ALCAM: variants seen among roughly 807,000 people sequenced by gnomAD.
ALCAM encodes the protein CD166 antigen.
A neutral mutation model predicts 70.9 loss-of-function variants in ALCAM; 30 were observed. The observed-to-expected ratio is 0.42, with a 90% confidence interval of 0.32 to 0.57. The LOEUF (loss-of-function observed/expected upper bound fraction) is 0.57, where lower values mean the gene tolerates loss of function less well. Ranked by LOEUF, ALCAM falls within the 20% of genes least tolerant of loss-of-function variation. The pLI, the probability that ALCAM is intolerant of heterozygous loss-of-function variation, is 0.11. For synonymous variants in ALCAM, 249 were observed against 242.5 expected (o/e 1.03, Z -0.25); for missense variants, 591 against 695.1 (o/e 0.85, Z 1.68).
At chr3:105,535,090 C>T (rs1251972928) in intron 6 of ALCAM, among the ~76,000 whole-genome samples, 2 of 152,112 alleles carry the variant, frequency 1.3e-5, no homozygotes, top group Non-Finnish European at 2.9e-5. Flanking sequence ...AATTCCACTA[C>T]ACACTAAGTT....
At chr3:105,487,519 C>A (rs1030406108) in intron 1 of ALCAM, among the ~76,000 whole-genome samples, 3 of 152,040 alleles carry the variant, frequency 2.0e-5, no homozygotes, top group Admixed American at 1.3e-4. Flanking sequence ...ATCAGCTACA[C>A]TGGAGGAATA....
chr3:105,389,378 T>TG (rs1322933592), intron 1 of ALCAM, among the ~76,000 whole-genome samples: 1 of 127,956 alleles, frequency 7.8e-6, no homozygotes, highest in Non-Finnish European at 1.7e-5. Flanking sequence ...ATAGTTTTTT[T>TG]TTTTTTTTTT....
intron 1 of ALCAM, among the ~76,000 whole-genome samples, chr3:105,399,814 A>T (rs751166062): frequency 9.9e-5 from 15 of 152,158 alleles, no homozygotes; most frequent in Non-Finnish European, 1.9e-4. Context: ...TCTGTTTGGA[A>T]AACTTTGGCT....
At chr3:105,557,828 A>G (rs947107018) in intron 14 of ALCAM, among the ~76,000 whole-genome samples, 12 of 152,134 alleles carry the variant, frequency 7.9e-5, no homozygotes, top group African/African-American at 2.9e-4. Flanking sequence ...TTCTTTGTAG[A>G]GTCTTAGAAA....
At chr3:105,372,347 A>G (rs1022554252) in intron 1 of ALCAM, among the ~76,000 whole-genome samples, 2 of 152,068 alleles carry the variant, frequency 1.3e-5, no homozygotes, top group African/African-American at 4.8e-5. Flanking sequence ...TAAATTTTAC[A>G]TTCTCTTTTC....
intron 1 of ALCAM, among the ~76,000 whole-genome samples, chr3:105,452,006 G>T (rs1429407245): frequency 6.6e-6 from 1 of 151,936 alleles, no homozygotes; most frequent in South Asian, 2.1e-4. Flanking sequence ...CTGGTTTGTG[G>T]CTTTACTCAT....
chr3:105,455,364 C>T (rs1302162485), intron 1 of ALCAM, among the ~76,000 whole-genome samples: 1 of 150,742 alleles, frequency 6.6e-6, no homozygotes, highest in Non-Finnish European at 1.5e-5. Context: ...ATGGTGTGAA[C>T]CCGGGAGGCG....
At chr3:105,561,682 G>A (rs534888300) in intron 14 of ALCAM, among the ~76,000 whole-genome samples, 1 of 152,208 alleles carries the variant, frequency 6.6e-6, no homozygotes, top group South Asian at 2.1e-4. Flanking sequence ...AAGTTTTGGT[G>A]TTTCCCAAAA....
chr3:105,573,760 G>A (rs542158866), intron 15 of ALCAM, among the ~76,000 whole-genome samples: 4 of 152,110 alleles, frequency 2.6e-5, no homozygotes, highest in African/African-American at 2.4e-5. Flanking sequence ...AGCCCCAACC[G>A]CCACAGTAAA....
chr3:105,545,195 C>G, intron 8 of ALCAM, 28 bp from the exon 9 acceptor site: 1 of 1,374,856 alleles, frequency 7.3e-7, no homozygotes, highest in South Asian at 1.2e-5. Context: ...TCAGAGTTAG[C>G]ACTTTGAACA....
intron 1 of ALCAM, among the ~76,000 whole-genome samples, chr3:105,506,173 A>C (rs1449519247): frequency 3.3e-5 from 5 of 152,224 alleles, no homozygotes; most frequent in African/African-American, 1.2e-4. Flanking sequence ...CTGTTAATTA[A>C]ACATGTACTA....
chr3:105,386,660 A>G (rs1183735302), intron 1 of ALCAM, among the ~76,000 whole-genome samples: 7 of 146,038 alleles, frequency 4.8e-5, no homozygotes, highest in Admixed American at 4.8e-4. Context: ...ATACCACCAT[A>G]AATATATATA....
intron 1 of ALCAM, among the ~76,000 whole-genome samples, chr3:105,386,283 A>G (rs1175277441): frequency 6.6e-6 from 1 of 151,636 alleles, no homozygotes; most frequent in African/African-American, 2.4e-5. Context: ...TGAATCAGTA[A>G]AATGTCTTTT....
chr3:105,384,657 A>G (rs1576124329), intron 1 of ALCAM, among the ~76,000 whole-genome samples: 1 of 151,614 alleles, frequency 6.6e-6, no homozygotes, highest in African/African-American at 2.4e-5. Context: ...CAATATAAAT[A>G]CAACACATTA....
intron 1 of ALCAM, among the ~76,000 whole-genome samples, chr3:105,512,761 T>C (rs1448945225): frequency 6.6e-6 from 1 of 151,862 alleles, no homozygotes; most frequent in Non-Finnish European, 1.5e-5. Flanking sequence ...CATACTTTGC[T>C]AGTTATTTTT....
chr3:105,394,889 A>G (rs1173195494), intron 1 of ALCAM, among the ~76,000 whole-genome samples: 2 of 151,976 alleles, frequency 1.3e-5, no homozygotes, highest in Admixed American at 6.6e-5. Flanking sequence ...TTCTGAGCCT[A>G]TTATAGCAGA....
At chr3:105,566,618 G>C (rs972381361) in intron 14 of ALCAM, among the ~76,000 whole-genome samples, 8 of 152,042 alleles carry the variant, frequency 5.3e-5, no homozygotes, top group Admixed American at 6.5e-5. Context: ...CGTTTACTGT[G>C]GTTGCTATAA....
intron 1 of ALCAM, among the ~76,000 whole-genome samples, chr3:105,436,486 C>T (rs1345225461): frequency 6.6e-6 from 1 of 151,996 alleles, no homozygotes; most frequent in African/African-American, 2.4e-5. Context: ...TGCCACCACA[C>T]CCGGCTAATT....
intron 1 of ALCAM, among the ~76,000 whole-genome samples, chr3:105,518,011 A>T (rs1939426938): frequency 6.6e-6 from 1 of 152,136 alleles, no homozygotes; most frequent in South Asian, 2.1e-4. Flanking sequence ...TTTAAGACTC[A>T]TTATAAAATA....
Sources: gnomAD v4.1 joint callset for allele counts (sites outside exome capture counted in the v4.1 genomes callset) on GRCh38, gnomAD v4.1.1 for gene constraint, MANE v1.5 for transcripts, NCBI Gene and HGNC (gene_info 2026-07-23, HGNC 2026-07-21) for gene names.